PLCE1: variants seen among roughly 807,000 people sequenced by gnomAD.
PLCE1 encodes phospholipase C epsilon 1.
PLCE1 carries 119 observed loss-of-function variants against 242.8 expected under a neutral mutation model. The ratio of observed to expected loss-of-function variants is 0.49; its 90% CI spans 0.42 to 0.57. The LOEUF (loss-of-function observed/expected upper bound fraction) is 0.57. PLCE1 is among the 20% of genes least tolerant of loss of function. PLCE1 has a pLI of 0.00. For missense variants in PLCE1, 2,441 were observed against 2,788.8 expected, an observed-to-expected ratio of 0.88 and a Z score of 2.81; for synonymous variants, 945 against 1,017.4, an observed-to-expected ratio of 0.93 and a Z score of 1.35.
intron 2 of PLCE1, among the ~76,000 whole-genome samples, chr10:94,066,314 G>A (rs1277627162): frequency 6.6e-6 from 1 of 152,132 alleles, no homozygotes; most frequent in Non-Finnish European, 1.5e-5. Flanking sequence ...CACAATGCTT[G>A]GCACATAGAT....
At chr10:94,199,627 G>A (rs2797992) in intron 4 of PLCE1, among the ~76,000 whole-genome samples, 89,490 of 152,032 alleles carry the variant, frequency 0.59, 26,785 homozygotes, top group African/African-American at 0.63. Context: ...AGTCTTAGAC[G>A]GCAAAAAGGT....
At chr10:94,118,677 C>G (rs536614440) in intron 2 of PLCE1, among the ~76,000 whole-genome samples, 1 of 152,298 alleles carries the variant, frequency 6.6e-6, no homozygotes, top group East Asian at 1.9e-4. Flanking sequence ...TGAGGCCTCC[C>G]CAGTCATGTG....
chr10:93,998,073 C>T (rs534817753), intron 1 of PLCE1, among the ~76,000 whole-genome samples: 1 of 152,346 alleles, frequency 6.6e-6, no homozygotes, highest in Non-Finnish European at 1.5e-5. Flanking sequence ...ATCAATCTGA[C>T]TCAGTCGGAA....
chr10:94,089,768 C>A (rs149808593), intron 2 of PLCE1, among the ~76,000 whole-genome samples: 47 of 152,158 alleles, frequency 3.1e-4, no homozygotes, highest in African/African-American at 1.0e-3. Context: ...TCAGGATACT[C>A]GCTTTTGAAT....
chr10:94,023,823 G>C (rs562231610), intron 1 of PLCE1, among the ~76,000 whole-genome samples: 3 of 152,122 alleles, frequency 2.0e-5, no homozygotes, highest in African/African-American at 7.2e-5. Flanking sequence ...GGTTTTTTGA[G>C]TCTGGAGCCT....
intron 14 of PLCE1, among the ~76,000 whole-genome samples, chr10:94,264,582 C>T (rs553997017): frequency 7.9e-5 from 10 of 125,924 alleles, no homozygotes; most frequent in East Asian, 7.5e-4. Flanking sequence ...AGGGCAGTGG[C>T]GCGATCTTTG....
At chr10:94,254,036 A>C (rs1050542217) in intron 9 of PLCE1, among the ~76,000 whole-genome samples, 154 bp from the exon 10 acceptor site, 2 of 152,226 alleles carry the variant, frequency 1.3e-5, no homozygotes, top group Admixed American at 6.5e-5. Context: ...TGACATGAGA[A>C]TACTCGGTCA....
Position 94,306,692 on chromosome 10 carries a change from G to C in PLCE1, c.5884+4G>C. On this transcript the variant is annotated splice_donor_region_variant and intron_variant, in intron 26 of 32. Coordinates refer to ENST00000371380, the MANE Select transcript of PLCE1 (RefSeq NM_016341.4). This position sits in a 1 kb window ranked among gnomAD's most constrained non-coding sequence, Gnocchi z 5.7. ...CCACTGAAAGCTTTAAAACGAGGTA[G>C]AATAAAATTGTCCAAATGTTAATAA... is the stretch of plus-strand genomic sequence containing the variant. 1 of 1,609,540 alleles carries C rather than the reference G, an allele frequency of 6.2e-7. No individual in the cohort carries two copies. The highest frequency in any genetic ancestry group is 2.2e-5 in the East Asian group (1 of 44,806).
intron 3 of PLCE1, among the ~76,000 whole-genome samples, chr10:94,159,926 T>G (rs2047554638): frequency 6.6e-6 from 1 of 152,222 alleles, no homozygotes; most frequent in Non-Finnish European, 1.5e-5. Flanking sequence ...GCTTCATCCA[T>G]GTCCCTAAAA....
At chr10:94,275,599 G>A (rs1449405392) in intron 19 of PLCE1, among the ~76,000 whole-genome samples, 1 of 152,180 alleles carries the variant, frequency 6.6e-6, no homozygotes, top group African/African-American at 2.4e-5. Context: ...ACTTTGGGAG[G>A]CCGAGGCAGG....
At chr10:94,309,031 T>A (rs2053296870) in intron 27 of PLCE1, among the ~76,000 whole-genome samples, 1 of 152,214 alleles carries the variant, frequency 6.6e-6, no homozygotes, top group Non-Finnish European at 1.5e-5. Flanking sequence ...TATTACAGTG[T>A]CTATCAGGGA....
intron 3 of PLCE1, chr10:94,155,541 G>A (rs2047404947): frequency 6.6e-6 from 1 of 151,998 alleles, no homozygotes; most frequent in South Asian, 2.1e-4. Context: ...AGGAGGTGAT[G>A]TACATGTTCT....
chr10:94,071,494 C>CGTTTTT (rs2044351532), intron 2 of PLCE1, among the ~76,000 whole-genome samples: 1 of 69,212 alleles, frequency 1.4e-5, no homozygotes, highest in Non-Finnish European at 2.4e-5. Flanking sequence ...GTTTGGTTTT[C>CGTTTTT]GTTTTTTTTT....
intron 2 of PLCE1, among the ~76,000 whole-genome samples, chr10:94,037,800 C>T (rs965121087): frequency 6.6e-6 from 1 of 151,862 alleles, no homozygotes; most frequent in South Asian, 2.1e-4. Context: ...GTTATACCAG[C>T]CCTTTGGCTA....
chr10:94,029,450 T>A (rs1034855522), intron 1 of PLCE1, among the ~76,000 whole-genome samples: 6 of 152,204 alleles, frequency 3.9e-5, no homozygotes, highest in Non-Finnish European at 8.8e-5. Flanking sequence ...TATATCTCTA[T>A]GTATGTTGAT....
At chr10:94,176,195 T>C (rs945245874) in intron 4 of PLCE1, among the ~76,000 whole-genome samples, 1 of 152,108 alleles carries the variant, frequency 6.6e-6, no homozygotes, top group African/African-American at 2.4e-5. Context: ...GCCCAGGAGT[T>C]TGAGACCAGC....
At chr10:94,120,808 G>C (rs1018761372) in intron 2 of PLCE1, 2 of 152,296 alleles carry the variant, frequency 1.3e-5, no homozygotes, top group African/African-American at 4.8e-5. Flanking sequence ...AAGAGAGAGA[G>C]GGGTGATGGG....
intron 2 of PLCE1, among the ~76,000 whole-genome samples, chr10:94,091,814 A>G (rs2045086004): frequency 6.6e-6 from 1 of 152,166 alleles, no homozygotes; most frequent in East Asian, 1.9e-4. Flanking sequence ...CCTGACAAGG[A>G]TAATGAGATT....
chr10:94,134,813 A>T (rs780799059), intron 3 of PLCE1, among the ~76,000 whole-genome samples: 10 of 152,200 alleles, frequency 6.6e-5, no homozygotes, highest in Non-Finnish European at 1.2e-4. Context: ...TCTAGCTCTG[A>T]CACTCACCAG....
Sources: gnomAD v4.1 joint callset for allele counts (sites outside exome capture counted in the v4.1 genomes callset) on GRCh38, gnomAD v4.1.1 for gene constraint, Gnocchi (gnomAD v3.1) non-coding constraint, MANE v1.5 for transcripts, NCBI Gene and HGNC (gene_info 2026-07-23, HGNC 2026-07-21) for gene names.